The following SERPINB7 variants were observed in gnomAD, a reference collection of about 807,000 sequenced individuals.
The protein encoded by SERPINB7 is serpin B7.
Under a neutral mutation model 37.4 loss-of-function variants are expected in SERPINB7, and 31 were observed. The observed-to-expected ratio is 0.83, with a 90% CI of 0.62 to 1.12. The LOEUF (loss-of-function observed/expected upper bound fraction) is 1.12. Ranked by LOEUF, SERPINB7 falls within the 50% of genes most tolerant of loss-of-function variation. The probability of loss-of-function intolerance (pLI) is 0.00; values close to 1 mark genes in which losing one functional copy is unlikely to be tolerated. For missense variants in SERPINB7, 521 were observed against 455.3 expected, an observed-to-expected ratio of 1.14 and a Z score of -1.31; for synonymous variants, 163 against 166.1, an observed-to-expected ratio of 0.98 and a Z score of 0.14.
Position 63,804,478 on chromosome 18 carries a change from T to C in SERPINB7, c.986T>C (p.Val329Ala). 1 of 1,613,692 alleles carries C rather than the reference T, an allele frequency of 6.2e-7. No homozygotes were observed. Among genetic ancestry groups the C allele is most frequent in the Non-Finnish European group, 8.5e-7 (1 of 1,179,852 alleles). ...ATGATGCACAAATCTTACATAGAGG[T>C]CACTGAGGAGGGCACCGAGGCTACT... ...SRMMHKSYIEVTEEGTEATAA... is the reference protein window; with the variant it reads ...SRMMHKSYIEATEEGTEATAA... The change falls in exon 8 of 8, where the codon GTC becomes GCC. Residue 329 changes from valine to alanine, a missense_variant. Physicochemically the swap from Val to Ala is moderately conservative, Grantham distance 64 (BLOSUM62 0). Coordinates refer to ENST00000398019, the MANE Select transcript of SERPINB7 (RefSeq NM_003784.4).
rs114459081 is a variant in SERPINB7 at position 63,792,365 on chromosome 18, G to T, written c.169-28G>T. The stretch of plus-strand genomic sequence containing the variant: ...TGTTCTCGTAACCTCTGATTCTAAT[G>T]ATTGCTTTCCTTGTGCCCTGTTTAC... On this transcript the variant is annotated intron_variant, in intron 2 of 7. Transcript: ENST00000398019. 2.0e-3 allele frequency: 3,120 copies of T among 1,545,644 alleles called. 52 individuals are homozygous for T. In the African/African-American group the frequency reaches 0.035, roughly 17 times the overall value.
At chr18:63,783,207 AGAGAGAGAGAGAGAGAGAGAG>A (rs1568207591) in intron 2 of SERPINB7, among the ~76,000 whole-genome samples, 11 of 87,640 alleles carry the variant, frequency 1.3e-4, no homozygotes, top group African/African-American at 4.2e-4. Flanking sequence ...AGAGAGAGAG[AGAGAGAGAGAGAGAGAGAGAG>A]AGAGAGAAAG....
At chr18:63,782,569 T>C (rs1213405840) in intron 2 of SERPINB7, 29 bp downstream of exon 2, 1 of 1,556,018 alleles carries the variant, frequency 6.4e-7, no homozygotes, top group Non-Finnish European at 8.7e-7. Flanking sequence ...AGTTAATCAC[T>C]GGGACAAATT....
At chr18:63,770,346 A>G (rs910039901) in intron 1 of SERPINB7, among the ~76,000 whole-genome samples, 1 of 151,814 alleles carries the variant, frequency 6.6e-6, no homozygotes, top group African/African-American at 2.4e-5. Flanking sequence ...TGGCCCCTCA[A>G]GTCCTGAGAT....
chr18:63,793,618 C>T (rs1217862253), intron 4 of SERPINB7, among the ~76,000 whole-genome samples: 2 of 152,146 alleles, frequency 1.3e-5, no homozygotes, highest in Admixed American at 6.5e-5. Flanking sequence ...AATAATCCCA[C>T]CTCAGCTTCC....
chr18:63,796,177 G>C (rs982345229), intron 4 of SERPINB7, 89 bp from the exon 5 acceptor site: 1 of 680,508 alleles, frequency 1.5e-6, no homozygotes, highest in African/African-American at 1.8e-5. Context: ...TTTGAATAAA[G>C]CAGTCGAAAT....
At chr18:63,774,267 C>T (rs1277562360), upstream of SERPINB7, among the ~76,000 whole-genome samples, 1 of 152,102 alleles carries the variant, frequency 6.6e-6, no homozygotes, top group Admixed American at 6.5e-5. Flanking sequence ...TTAACAGGAC[C>T]CCCTTCTTCC....
intron 1 of SERPINB7, among the ~76,000 whole-genome samples, chr18:63,780,132 C>G (rs984430874): frequency 6.6e-6 from 1 of 152,032 alleles, no homozygotes; most frequent in African/African-American, 2.4e-5. Context: ...ACTGTAAATA[C>G]TTTGAAAGGA....
chr18:63,761,667 A>T (rs577105915), intron 1 of SERPINB7, among the ~76,000 whole-genome samples: 2 of 152,218 alleles, frequency 1.3e-5, no homozygotes, highest in East Asian at 1.9e-4. Flanking sequence ...TTCCTGTGCT[A>T]TTCTCGTGAT....
chr18:63,794,876 A>AG (rs2049471141), intron 4 of SERPINB7, among the ~76,000 whole-genome samples: 1 of 152,212 alleles, frequency 6.6e-6, no homozygotes, highest in Non-Finnish European at 1.5e-5. Flanking sequence ...ACAAAGGACA[A>AG]CTAGTGAATC....
At chr18:63,764,052 T>G (rs570637260) in intron 1 of SERPINB7, among the ~76,000 whole-genome samples, 1 of 152,340 alleles carries the variant, frequency 6.6e-6, no homozygotes, top group African/African-American at 2.4e-5. Flanking sequence ...GCCATTTCTA[T>G]GGTATGAGCT....
At chr18:63,756,804 T>G (rs189879265) in intron 1 of SERPINB7, among the ~76,000 whole-genome samples, 1 of 137,264 alleles carries the variant, frequency 7.3e-6, no homozygotes, top group Admixed American at 7.3e-5. Context: ...TTGGGGTAGC[T>G]TGTGTGTGTG....
rs2049124615 is a variant in SERPINB7 at position 63,756,804 on chromosome 18, T to TG, written c.-19+3684_-19+3685insG. On this transcript the variant is annotated intron_variant, in intron 1 of 7. Coordinates refer to the SERPINB7 transcript ENST00000336429. ...GTTGTTTCCAGGGTCTTGGGGTAGCTTGTGTGTGTGTGTGTGTGTGTGTGT... is the reference window on the plus strand; with the variant it reads ...GTTGTTTCCAGGGTCTTGGGGTAGCTGTGTGTGTGTGTGTGTGTGTGTGTGT... Among the ~76,000 whole-genome samples the TG allele has an allele frequency of 4.3e-4, 59 of 137,346 alleles. No homozygotes were observed. The East Asian group carries it at 6.9e-3, about 16-fold the overall frequency. The allele number at this position is 137,346 out of a possible 152,430, so 90.1% of individuals were successfully genotyped here. A position where few individuals can be genotyped will look rare whatever the true frequency, so the allele number is the denominator to read the frequency against.
At chr18:63,772,885 C>T (rs868109377), upstream of SERPINB7, among the ~76,000 whole-genome samples, 2 of 152,054 alleles carry the variant, frequency 1.3e-5, no homozygotes, top group East Asian at 3.8e-4. Flanking sequence ...TAGGAAGTTC[C>T]GCTGATTGCA....
chr18:63,753,183 G>A (rs1451246951), intron 1 of SERPINB7: 2 of 152,136 alleles, frequency 1.3e-5, no homozygotes, highest in Non-Finnish European at 2.9e-5. Context: ...AAGATGGATG[G>A]ACAGCCCCTA....
intron 1 of SERPINB7, among the ~76,000 whole-genome samples, chr18:63,762,782 A>G (rs1384645175): frequency 1.3e-5 from 2 of 152,198 alleles, no homozygotes; most frequent in African/African-American, 4.8e-5. Flanking sequence ...ATTTAATGTG[A>G]TGACATCTTT....
rs558522554 is a variant in SERPINB7, at chr18:63,796,412, C to A, written c.454+29C>A. ...AGTATTGAAATACCCTATTTTTCTA[C>A]AAGATTTGTCAGTTATATGTGAATA... is the stretch of plus-strand genomic sequence containing the variant. On this transcript the variant is annotated intron_variant, in intron 5 of 7. Transcript: ENST00000398019. The A allele has an allele frequency of 3.8e-5, 48 of 1,264,024 alleles. No individual in the cohort carries two copies. The South Asian group carries it at 4.3e-4, about 11-fold the overall frequency. 78.3% of individuals were successfully genotyped at this position (1,264,024 alleles called of 1,614,324 possible).
At chr18:63,784,263 T>A (rs2049342661) in intron 2 of SERPINB7, among the ~76,000 whole-genome samples, 1 of 152,222 alleles carries the variant, frequency 6.6e-6, no homozygotes, top group Non-Finnish European at 1.5e-5. Flanking sequence ...ATTGACATTT[T>A]TGGCTGGATA....
rs71162676 is a variant in SERPINB7 at position 63,754,880 on chromosome 18, C to CTTTTT, written c.-19+1786_-19+1790dup. 6.2e-3 allele frequency among the ~76,000 whole-genome samples: 361 copies of CTTTTT among 57,996 alleles called. 57 individuals carry two copies. Among genetic ancestry groups the CTTTTT allele is most frequent in the Non-Finnish European group, 6.6e-3 (224 of 33,810 alleles). 38.0% of individuals were successfully genotyped at this position (57,996 alleles called of 152,430 possible). A position where few individuals can be genotyped will look rare whatever the true frequency, so the allele number is the denominator to read the frequency against. ...TGCCCAGCATTGTTTAAACTGAGGT[C>CTTTTT]TTTTTTTTTTTTTTTTTTTTTTTTT... On this transcript the variant is annotated intron_variant, in intron 1 of 7. Transcript: ENST00000336429.
Sources: gnomAD v4.1 joint callset for allele counts (sites outside exome capture counted in the v4.1 genomes callset) on GRCh38, gnomAD v4.1.1 for gene constraint, MANE v1.5 for transcripts, NCBI Gene and HGNC (gene_info 2026-07-23, HGNC 2026-07-21) for gene names.